Variants in KDM4C observed in about 807,000 individuals in gnomAD.
KDM4C encodes lysine demethylase 4C, also known as lysine-specific demethylase 4C.
KDM4C carries 81 observed loss-of-function variants against 129.3 expected under a neutral mutation model. The observed-to-expected ratio is 0.63, with a 90% CI of 0.52 to 0.75. The LOEUF is 0.75. KDM4C is among the 30% of genes least tolerant of loss of function. The probability of loss-of-function intolerance (pLI) is 0.00; values close to 1 mark genes in which losing one functional copy is unlikely to be tolerated. For synonymous variants in KDM4C, 573 were observed against 456.1 expected, an observed-to-expected ratio of 1.26 and a Z score of -3.26; for missense variants, 1,457 against 1,304.0, an observed-to-expected ratio of 1.12 and a Z score of -1.81.
At chr9:6,960,696 G>T (rs542406910) in intron 8 of KDM4C, among the ~76,000 whole-genome samples, 1 of 152,268 alleles carries the variant, frequency 6.6e-6, no homozygotes, top group South Asian at 2.1e-4. Flanking sequence ...GTATCCATTT[G>T]TCCCATATCT....
At chr9:6,943,743 G>C (rs564841550) in intron 8 of KDM4C, among the ~76,000 whole-genome samples, 1 of 152,246 alleles carries the variant, frequency 6.6e-6, no homozygotes, top group South Asian at 2.1e-4. Context: ...TGCTGCTATA[G>C]AATACTTTAC....
chr9:6,875,254 T>G (rs903105166), intron 5 of KDM4C, among the ~76,000 whole-genome samples: 11 of 152,166 alleles, frequency 7.2e-5, no homozygotes, highest in African/African-American at 2.7e-4. Flanking sequence ...GAGAAAGCCA[T>G]AGACCCTTCC....
intron 20 of KDM4C, among the ~76,000 whole-genome samples, chr9:7,166,110 TA>T (rs1355763465): frequency 6.6e-6 from 1 of 152,194 alleles, no homozygotes; most frequent in Non-Finnish European, 1.5e-5. Flanking sequence ...GAATTTTCAG[TA>T]ACACTGTGTC....
Position 7,103,759 on chromosome 9 carries a change from G to T in KDM4C, c.2499G>T (p.Pro833=), listed in dbSNP as rs551519252. Residue 833 remains proline, a synonymous_variant, in exon 18 of 22, where the codon CCG becomes CCT. Coordinates refer to ENST00000381309, the MANE Select transcript of KDM4C (RefSeq NM_015061.6). ...TCCAGTGTTCCTACGGTCGCTGCCC[G>T]GCCTCCTTCCATGTCACTTGTGCCC... ...ACIQCSYGRC[P]ASFHVTCAHA... 1.2e-6 allele frequency: 2 copies of T among 1,613,812 alleles called. No homozygotes were observed. The highest frequency in any genetic ancestry group is 1.3e-5 in the African/African-American group (1 of 74,862).
At chr9:7,140,195 G>T (rs1207807763) in intron 19 of KDM4C, among the ~76,000 whole-genome samples, 1 of 152,000 alleles carries the variant, frequency 6.6e-6, no homozygotes, top group African/African-American at 2.4e-5. Context: ...TTAACAACCT[G>T]ACCATCACCT....
At chr9:7,041,021 A>T (rs1179356655) in intron 15 of KDM4C, among the ~76,000 whole-genome samples, 1 of 151,160 alleles carries the variant, frequency 6.6e-6, no homozygotes, top group East Asian at 1.9e-4. Flanking sequence ...ACATAAACTG[A>T]GTAGTTTTTT....
chr9:7,037,380 A>G (rs1827837321), intron 15 of KDM4C, among the ~76,000 whole-genome samples: 1 of 152,322 alleles, frequency 6.6e-6, no homozygotes, highest in Admixed American at 6.5e-5. Flanking sequence ...TAGAAGAGAC[A>G]TTGGAACATG....
At chr9:6,848,287 T>A (rs1300806759) in intron 4 of KDM4C, among the ~76,000 whole-genome samples, 1 of 152,250 alleles carries the variant, frequency 6.6e-6, no homozygotes, top group East Asian at 1.9e-4. Flanking sequence ...ACATGCCTAG[T>A]CTCTGATATT....
intron 8 of KDM4C, among the ~76,000 whole-genome samples, chr9:6,921,975 C>T (rs963559098): frequency 1.3e-5 from 2 of 152,222 alleles, no homozygotes; most frequent in African/African-American, 4.8e-5. Context: ...CATCTTCTCA[C>T]TGATATCATT....
intron 2 of KDM4C, among the ~76,000 whole-genome samples, chr9:6,793,343 G>T (rs933397111): frequency 1.0e-4 from 15 of 150,484 alleles, no homozygotes; most frequent in African/African-American, 3.7e-4. Context: ...GTCTTCTAAG[G>T]CTTAAAAAAA....
At chr9:7,169,584 A>C (rs1587976720) in intron 20 of KDM4C, among the ~76,000 whole-genome samples, 1 of 152,262 alleles carries the variant, frequency 6.6e-6, no homozygotes, top group East Asian at 1.9e-4. Context: ...TGCCTGCCTC[A>C]GCCTCCCAAA....
intron 15 of KDM4C, among the ~76,000 whole-genome samples, chr9:7,042,383 G>T (rs901524417): frequency 6.6e-6 from 1 of 151,988 alleles, no homozygotes; most frequent in Admixed American, 6.6e-5. Flanking sequence ...TAAAATCTTG[G>T]TTTGTTTTAA....
At chr9:6,854,235 T>G (rs1839351083) in intron 5 of KDM4C, among the ~76,000 whole-genome samples, 1 of 151,924 alleles carries the variant, frequency 6.6e-6, no homozygotes, top group Non-Finnish European at 1.5e-5. Flanking sequence ...ACAAAATGAA[T>G]AAGAAACTTT....
At chr9:6,815,039 T>C in intron 4 of KDM4C, 1 of 212,666 alleles carries the variant, frequency 4.7e-6, no homozygotes, top group Non-Finnish European at 9.3e-6. Flanking sequence ...TAAAAATGTT[T>C]GGAAAACAGG....
intron 8 of KDM4C, among the ~76,000 whole-genome samples, chr9:6,979,956 A>G (rs1383965840): frequency 2.0e-5 from 3 of 152,178 alleles, no homozygotes; most frequent in Non-Finnish European, 4.4e-5. Flanking sequence ...TGTAATGGCC[A>G]TTAGGATGAG....
rs1295842870 is a variant in KDM4C, at chr9:6,966,920, T to TA, written c.922-13998dup. Among the ~76,000 whole-genome samples, 4 of 152,194 alleles carry TA rather than the reference T, an allele frequency of 2.6e-5. No homozygotes were observed. The South Asian group carries it at 8.3e-4, about 32-fold the overall frequency. On this transcript the variant is annotated intron_variant, in intron 8 of 21. Transcript: ENST00000381309. ...CTTAAATCACAGAATGCAATAATCA[T>TA]AAAAAAATTGATGATTTAGGGTCTC...
chr9:7,040,423 G>A (rs2132465013), intron 15 of KDM4C, among the ~76,000 whole-genome samples: 1 of 148,748 alleles, frequency 6.7e-6, no homozygotes. Context: ...ATGTGTCTGT[G>A]TGTCTGTTTG....
intron 4 of KDM4C, among the ~76,000 whole-genome samples, chr9:6,838,579 C>G (rs142260332): frequency 3.9e-5 from 6 of 152,058 alleles, no homozygotes; most frequent in African/African-American, 1.4e-4. Flanking sequence ...TCATATTTGC[C>G]TTTATCTTTT....
At chr9:7,146,765 A>G (rs2130012589) in intron 19 of KDM4C, among the ~76,000 whole-genome samples, 1 of 152,246 alleles carries the variant, frequency 6.6e-6, no homozygotes, top group Non-Finnish European at 1.5e-5. Context: ...ACTCTTCTCT[A>G]CCAGTGCTGG....
Sources: gnomAD v4.1 joint callset for allele counts (sites outside exome capture counted in the v4.1 genomes callset) on GRCh38, gnomAD v4.1.1 for gene constraint, MANE v1.5 for transcripts, NCBI Gene and HGNC (gene_info 2026-07-23, HGNC 2026-07-21) for gene names.